Variants in KAT2B observed in about 807,000 individuals in gnomAD.
The protein encoded by KAT2B is histone acetyltransferase KAT2B.
A neutral mutation model predicts 105.9 loss-of-function variants in KAT2B; 36 were observed. That is an observed-to-expected ratio of 0.34 (90% confidence interval 0.26 to 0.45). The LOEUF (loss-of-function observed/expected upper bound fraction) is 0.45, where lower values mean the gene tolerates loss of function less well. Among genes scored for constraint, KAT2B ranks in the 20% least tolerant of loss-of-function variants. The pLI is 1.00. For missense variants in KAT2B, 820 were observed against 1,021.6 expected (o/e 0.80, Z 2.69); for synonymous variants, 397 against 377.9 (o/e 1.05, Z -0.59).
chr3:20,111,846 A>G lies in KAT2B; in HGVS notation c.1043+59A>G. 10 of 1,331,204 alleles carry G rather than the reference A, an allele frequency of 7.5e-6. No homozygotes were observed. In the South Asian group the frequency reaches 1.1e-4, roughly 14 times the overall value. 82.5% of individuals were successfully genotyped at this position (1,331,204 alleles called of 1,614,324 possible). Reference sequence around the variant, plus strand: ...CCCAGAGCTTGAGGTTGCTAAATACAATGCCAAAGCCTGCATAAATAACAA... The same window carrying G: ...CCCAGAGCTTGAGGTTGCTAAATACGATGCCAAAGCCTGCATAAATAACAA... On this transcript the variant is annotated intron_variant, in intron 6 of 17. Coordinates refer to ENST00000263754, the MANE Select transcript of KAT2B (RefSeq NM_003884.5).
At chr3:20,060,940 C>T (rs1485068374) in intron 1 of KAT2B, among the ~76,000 whole-genome samples, 1 of 146,158 alleles carries the variant, frequency 6.8e-6, no homozygotes, top group Non-Finnish European at 1.5e-5. Context: ...GACCCTGTCT[C>T]AAAACAACAA....
At chr3:20,132,641 A>G (rs1489135062) in intron 11 of KAT2B, among the ~76,000 whole-genome samples, 1 of 152,218 alleles carries the variant, frequency 6.6e-6, no homozygotes, top group East Asian at 1.9e-4. Context: ...ACTGCTAGTC[A>G]CAAATACTAG....
intron 5 of KAT2B, among the ~76,000 whole-genome samples, chr3:20,106,631 A>T (rs1456188381): frequency 6.6e-6 from 1 of 152,204 alleles, no homozygotes; most frequent in Non-Finnish European, 1.5e-5. Flanking sequence ...AAAGCCCATT[A>T]TTTGAACATT....
intron 3 of KAT2B, among the ~76,000 whole-genome samples, chr3:20,098,400 A>G (rs1472789488): frequency 6.6e-6 from 1 of 152,192 alleles, no homozygotes; most frequent in Non-Finnish European, 1.5e-5. Context: ...GGGCAAGTTA[A>G]TCTGCCTTGT....
intron 1 of KAT2B, among the ~76,000 whole-genome samples, chr3:20,044,706 T>G (rs993754783): frequency 3.3e-5 from 5 of 152,176 alleles, no homozygotes; most frequent in Admixed American, 2.0e-4. Context: ...TCCTTGCCTT[T>G]CCTTTACCCC....
chr3:20,142,560 G>A (rs1382978357), intron 13 of KAT2B, among the ~76,000 whole-genome samples: 3 of 150,738 alleles, frequency 2.0e-5, no homozygotes, highest in Non-Finnish European at 3.0e-5. Context: ...AGTTGTAGTT[G>A]TCATTAGTAG....
At chr3:20,099,597 G>C (rs1201780017) in intron 3 of KAT2B, among the ~76,000 whole-genome samples, 1 of 152,172 alleles carries the variant, frequency 6.6e-6, no homozygotes, top group African/African-American at 2.4e-5. Flanking sequence ...AGGCTGCCCA[G>C]AACATGAAAG....
chr3:20,107,184 C>A (rs758600308), intron 5 of KAT2B, among the ~76,000 whole-genome samples: 12 of 148,660 alleles, frequency 8.1e-5, no homozygotes, highest in Admixed American at 3.3e-4. Flanking sequence ...GCATGCGCCA[C>A]CACAGCTGGC....
intron 11 of KAT2B, among the ~76,000 whole-genome samples, chr3:20,128,471 T>TTGGA (rs1699449506): frequency 6.6e-6 from 1 of 151,774 alleles, no homozygotes; most frequent in African/African-American, 2.4e-5. Context: ...TTGGCATGTG[T>TTGGA]TGGAGTGTCT....
At position 20,060,895 on chromosome 3, in the gene KAT2B, T is replaced by C. The variant is rs142805972; in HGVS notation, c.304-11438T>C. Among the ~76,000 whole-genome samples the C allele has an allele frequency of 1.6e-4, 25 of 152,206 alleles. No homozygotes were observed. The East Asian group carries it at 4.4e-3, about 27-fold the overall frequency. ...AGGAGGTTGAGGTTGTAATAAACCA[T>C]GATCATGCCACTGCACTCCTGGGCA... On this transcript the variant is annotated intron_variant, in intron 1 of 17. Coordinates refer to ENST00000263754, the MANE Select transcript of KAT2B (RefSeq NM_003884.5).
intron 2 of KAT2B, 110 bp downstream of exon 2, chr3:20,072,569 T>C: frequency 1.0e-6 from 1 of 1,001,930 alleles, no homozygotes; most frequent in Non-Finnish European, 1.5e-6. Flanking sequence ...TACCTCTGTA[T>C]GAGAGCAACA....
chr3:20,072,234 A>G (rs1698336889), intron 1 of KAT2B, 99 bp from the exon 2 acceptor site: 7 of 1,220,336 alleles, frequency 5.7e-6, no homozygotes, highest in Non-Finnish European at 6.0e-6. Flanking sequence ...GGGTGAGGGG[A>G]TAGCTGTCAT....
rs34271857 is a variant in KAT2B, at chr3:20,125,306, GA to G, written c.1414-580del. 7.4e-3 allele frequency among the ~76,000 whole-genome samples: 864 copies of G among 117,122 alleles called. 10 individuals are homozygous for G. The highest frequency in any genetic ancestry group is 0.026 in the African/African-American group (780 of 29,620). The allele number at this position is 117,122 out of a possible 152,430, so 76.8% of individuals were successfully genotyped here. On this transcript the variant is annotated intron_variant, in intron 9 of 17. Transcript: ENST00000263754. ...GGCGAAAGAGCGAGACTCCGTCTCA[GA>G]AAAAAAAAAAAAAAAAAAGAATATA...
At chr3:20,149,691 C>A (rs1436782121) in intron 17 of KAT2B, among the ~76,000 whole-genome samples, 1 of 151,948 alleles carries the variant, frequency 6.6e-6, no homozygotes, top group African/African-American at 2.4e-5. Context: ...GAACACACAT[C>A]TATATGCTTT....
intron 2 of KAT2B, among the ~76,000 whole-genome samples, chr3:20,076,232 G>A (rs2365369): frequency 0.47 from 71,654 of 151,932 alleles, 17,144 homozygotes; most frequent in East Asian, 0.59. Flanking sequence ...CCACAAACAT[G>A]TATTTTAATA....
In KAT2B at chr3:20,072,532, G is replaced by T. The variant is rs893393894; in HGVS notation, c.430+73G>T. 2.7e-6 allele frequency: 4 copies of T among 1,458,480 alleles called. No individual in the cohort carries two copies. In the African/African-American group the frequency reaches 5.6e-5, roughly 20 times the overall value. The allele number at this position is 1,458,480 out of a possible 1,614,324, so 90.3% of individuals were successfully genotyped here. ...TGAGACTCTTAACTTACTGAATTCT[G>T]TGGGTTCACCAAATTTGAATGCTGT... On this transcript the variant is annotated intron_variant, in intron 2 of 17. Coordinates refer to ENST00000263754, the MANE Select transcript of KAT2B (RefSeq NM_003884.5).
At chr3:20,065,368 C>G (rs1409310063) in intron 1 of KAT2B, among the ~76,000 whole-genome samples, 1 of 152,102 alleles carries the variant, frequency 6.6e-6, no homozygotes, top group African/African-American at 2.4e-5. Context: ...CTTGGGAGTT[C>G]CCTTAGACAG....
intron 1 of KAT2B, 90 bp downstream of exon 1, chr3:20,040,870 C>T (rs1697704330): frequency 2.5e-5 from 34 of 1,380,906 alleles, no homozygotes; most frequent in Non-Finnish European, 3.2e-5. Flanking sequence ...CCTCCGCCTC[C>T]CGCCTCCTGC....
rs1698337675 is a variant in KAT2B, at chr3:20,072,263, TC to T, written c.304-69del. On this transcript the variant is annotated intron_variant, in intron 1 of 17. Coordinates refer to ENST00000263754, the MANE Select transcript of KAT2B (RefSeq NM_003884.5). ...CTGTCATATAATTAGTGTACATTGTTCTCATGTAAAACCATCAGTCCACGGC... is the reference window on the plus strand; with the variant it reads ...CTGTCATATAATTAGTGTACATTGTTTCATGTAAAACCATCAGTCCACGGC... The T allele has an allele frequency of 1.9e-5, 28 of 1,479,270 alleles. No individual in the cohort carries two copies. The South Asian group carries it at 2.8e-4, about 15-fold the overall frequency. 91.6% of individuals were successfully genotyped at this position (1,479,270 alleles called of 1,614,324 possible).
Sources: gnomAD v4.1 joint callset for allele counts (sites outside exome capture counted in the v4.1 genomes callset) on GRCh38, gnomAD v4.1.1 for gene constraint, MANE v1.5 for transcripts, NCBI Gene and HGNC (gene_info 2026-07-23, HGNC 2026-07-21) for gene names.